Variants in HIVEP1 observed in about 807,000 individuals in gnomAD.
The protein encoded by HIVEP1 is HIVEP zinc finger 1, also known as zinc finger protein 40.
HIVEP1 carries 36 observed loss-of-function variants against 180.0 expected under a neutral mutation model. The observed-to-expected ratio is 0.20, with a 90% CI of 0.15 to 0.26. The LOEUF (loss-of-function observed/expected upper bound fraction) is 0.26. HIVEP1 is among the 10% of genes least tolerant of loss of function. HIVEP1 has a pLI of 1.00. For synonymous variants in HIVEP1, 1,239 were observed against 1,239.0 expected, an observed-to-expected ratio of 1.00 and a Z score of 0.00; for missense variants, 3,143 against 3,268.7, an observed-to-expected ratio of 0.96 and a Z score of 0.94.
chr6:12,025,726 A>G (rs1392682666), intron 2 of HIVEP1, among the ~76,000 whole-genome samples: 1 of 152,220 alleles, frequency 6.6e-6, no homozygotes, highest in African/African-American at 2.4e-5. Context: ...CTCTTCTTCC[A>G]CACTGCAGGT....
the HIVEP1 span, among the ~76,000 whole-genome samples, chr6:12,202,990 G>C: frequency 6.6e-6 from 1 of 152,132 alleles, no homozygotes; most frequent in Non-Finnish European, 1.5e-5. Context: ...GTGCCCCAAA[G>C]GGTTGGCTTT....
At chr6:12,149,797 A>G (rs1759594532) in intron 7 of HIVEP1, among the ~76,000 whole-genome samples, 2 of 152,098 alleles carry the variant, frequency 1.3e-5, no homozygotes, top group South Asian at 4.1e-4. Context: ...ATTCACCATC[A>G]TATTGTGCCT....
At chr6:12,176,494 A>G in the HIVEP1 span, among the ~76,000 whole-genome samples, 2 of 151,862 alleles carry the variant, frequency 1.3e-5, no homozygotes, top group East Asian at 3.9e-4. Context: ...GGCCTCCTAA[A>G]TTGTTGGGAT....
chr6:12,018,861 A>C (rs1768007538), intron 2 of HIVEP1, among the ~76,000 whole-genome samples: 1 of 152,218 alleles, frequency 6.6e-6, no homozygotes, highest in African/African-American at 2.4e-5. Context: ...GAGGCAGGAT[A>C]CTGGAGCAGG....
At chr6:12,038,772 A>T (rs1320655458) in intron 2 of HIVEP1, 1 of 152,410 alleles carries the variant, frequency 6.6e-6, no homozygotes, top group Non-Finnish European at 1.5e-5. Context: ...ATCATTCTCC[A>T]TTCCCCAAAC....
At chr6:12,112,096 C>T (rs72826088) in intron 3 of HIVEP1, among the ~76,000 whole-genome samples, 9,900 of 152,172 alleles carry the variant, frequency 0.065, 379 homozygotes, top group Middle Eastern at 0.15. Context: ...CTGAAGACAA[C>T]GAATTCTCTC....
At chr6:12,147,659 A>G (rs181042959) in intron 7 of HIVEP1, among the ~76,000 whole-genome samples, 1 of 152,296 alleles carries the variant, frequency 6.6e-6, no homozygotes. Flanking sequence ...CCACAGAGCC[A>G]AAGCCTTTTT....
Position 12,164,490 on chromosome 6 carries a change from T to C in HIVEP1, c.*29T>C. The C allele has an allele frequency of 6.6e-7, 1 of 1,519,970 alleles. No individual in the cohort carries two copies. Among genetic ancestry groups the C allele is most frequent in the East Asian group, 2.3e-5 (1 of 44,178 alleles). 94.2% of individuals were successfully genotyped at this position (1,519,970 alleles called of 1,614,324 possible). A position where few individuals can be genotyped will look rare whatever the true frequency, so the allele number is the denominator to read the frequency against. The stretch of plus-strand genomic sequence containing the variant: ...ATTTTATTTTTTATTTGCTTTTTTT[T>C]TATATAACACTTAAAGGTTTCTTTG... On this transcript the variant is annotated 3_prime_UTR_variant, in exon 9 of 9. Transcript: ENST00000379388.
chr6:12,032,494 G>GA (rs947004532), intron 2 of HIVEP1, among the ~76,000 whole-genome samples: 1 of 151,924 alleles, frequency 6.6e-6, no homozygotes, highest in African/African-American at 2.4e-5. Context: ...TTTAGTGGGG[G>GA]AAAAAAAGCA....
At chr6:12,159,658 G>GA (rs1398372479) in intron 7 of HIVEP1, among the ~76,000 whole-genome samples, 1 of 152,172 alleles carries the variant, frequency 6.6e-6, no homozygotes, top group Non-Finnish European at 1.5e-5. Flanking sequence ...TATTTACCCA[G>GA]AAATCACACA....
intron 7 of HIVEP1, among the ~76,000 whole-genome samples, chr6:12,156,753 T>G (rs1223201004): frequency 1.3e-5 from 2 of 152,220 alleles, no homozygotes; most frequent in Non-Finnish European, 1.5e-5. Context: ...AGGTTTATTT[T>G]GTAGCTCAGA....
Position 12,121,171 on chromosome 6 carries a change from C to G in HIVEP1, c.1376C>G (p.Thr459Ser), listed in dbSNP as rs1362552001. 7 of 1,614,124 alleles carry G rather than the reference C, an allele frequency of 4.3e-6. No homozygotes were observed. In the East Asian group the frequency reaches 1.6e-4, roughly 36 times the overall value. Reference protein sequence around the residue: ...LYKHKKSHAHTIKLGLVLQPD... With the variant: ...LYKHKKSHAHSIKLGLVLQPD... ...AAGCACAAGAAATCCCACGCACATA[C>G]TATCAAACTGGGTCTTGTCTTGCAA... The change falls in exon 4 of 9, where the codon ACT (threonine) becomes AGT (serine). Residue 459 changes from threonine to serine, a missense_variant. Coordinates refer to ENST00000379388, the MANE Select transcript of HIVEP1 (RefSeq NM_002114.4). This position sits in a 1 kb window ranked among gnomAD's most constrained non-coding sequence, Gnocchi z 5.3.
the HIVEP1 span, among the ~76,000 whole-genome samples, chr6:12,188,209 G>T: frequency 6.6e-6 from 1 of 152,034 alleles, no homozygotes; most frequent in Non-Finnish European, 1.5e-5. Flanking sequence ...CAACCAAATG[G>T]GGTTCATACC....
chr6:12,179,700 T>A, the HIVEP1 span, among the ~76,000 whole-genome samples: 1 of 152,178 alleles, frequency 6.6e-6, no homozygotes, highest in Non-Finnish European at 1.5e-5. Context: ...AGTAACAGTA[T>A]CACCTACAAG....
intron 3 of HIVEP1, among the ~76,000 whole-genome samples, chr6:12,111,810 C>T (rs1774913281): frequency 6.6e-6 from 1 of 152,340 alleles, no homozygotes; most frequent in East Asian, 1.9e-4. Flanking sequence ...TCTCAAAATA[C>T]GTAACCATAT....
chr6:12,040,950 C>A (rs1296168477), intron 2 of HIVEP1, among the ~76,000 whole-genome samples: 3 of 152,256 alleles, frequency 2.0e-5, no homozygotes, highest in Middle Eastern at 6.8e-3. Flanking sequence ...AAGACAGTAC[C>A]AAGCCATGAG....
At chr6:12,061,900 C>T (rs577234121) in intron 2 of HIVEP1, among the ~76,000 whole-genome samples, 121 of 151,976 alleles carry the variant, frequency 8.0e-4, no homozygotes, top group African/African-American at 2.8e-3. Context: ...TTAAATTTAC[C>T]AAATATAAAG....
chr6:12,196,633 T>C, the HIVEP1 span, among the ~76,000 whole-genome samples: 1 of 152,216 alleles, frequency 6.6e-6, no homozygotes, highest in East Asian at 1.9e-4. Flanking sequence ...AAATCCTTCC[T>C]TCCTTCCCAT....
At chr6:12,174,564 TTTTG>T in the HIVEP1 span, among the ~76,000 whole-genome samples, 296 of 152,240 alleles carry the variant, frequency 1.9e-3, no homozygotes, top group African/African-American at 6.8e-3. Context: ...TGGAAAAATG[TTTTG>T]TTTGTTTTGT....
Sources: gnomAD v4.1 joint callset for allele counts (sites outside exome capture counted in the v4.1 genomes callset) on GRCh38, gnomAD v4.1.1 for gene constraint, Gnocchi (gnomAD v3.1) non-coding constraint, MANE v1.5 for transcripts, NCBI Gene and HGNC (gene_info 2026-07-23, HGNC 2026-07-21) for gene names.